Variants in CNTNAP2 observed in about 807,000 individuals in gnomAD.
CNTNAP2 encodes the protein contactin-associated protein-like 2.
In CNTNAP2, 98 loss-of-function variants were observed where a neutral mutation model predicts 155.2. The ratio of observed to expected loss-of-function variants is 0.63; its 90% CI spans 0.54 to 0.75. The LOEUF is 0.75. Among genes scored for constraint, CNTNAP2 ranks in the 30% least tolerant of loss-of-function variants. The pLI is 0.00. For synonymous variants in CNTNAP2, 651 were observed against 631.2 expected (o/e 1.03, Z -0.47); for missense variants, 1,727 against 1,688.1 (o/e 1.02, Z -0.40).
chr7:146,818,889 T>A (rs1585105447), intron 2 of CNTNAP2, among the ~76,000 whole-genome samples: 1 of 152,150 alleles, frequency 6.6e-6, no homozygotes, highest in Admixed American at 6.5e-5. Context: ...TTAACATCAC[T>A]ACTTAACATT....
intron 1 of CNTNAP2, among the ~76,000 whole-genome samples, chr7:146,371,055 GA>G (rs1470689415): frequency 1.3e-5 from 2 of 151,930 alleles, no homozygotes; most frequent in East Asian, 3.9e-4. Flanking sequence ...AATTATTCTA[GA>G]AGATGTAATA....
At chr7:146,361,355 A>G (rs2129100878) in intron 1 of CNTNAP2, among the ~76,000 whole-genome samples, 1 of 152,240 alleles carries the variant, frequency 6.6e-6, no homozygotes, top group Non-Finnish European at 1.5e-5. Flanking sequence ...ATTTGGTCAT[A>G]CCTGGGGGTT....
intron 1 of CNTNAP2, among the ~76,000 whole-genome samples, chr7:146,393,370 C>A (rs1795572568): frequency 6.6e-6 from 1 of 152,140 alleles, no homozygotes; most frequent in South Asian, 2.1e-4. Context: ...ATCCACCTGG[C>A]AGTGACATTT....
At chr7:147,590,885 G>A (rs1435342430) in intron 12 of CNTNAP2, among the ~76,000 whole-genome samples, 1 of 152,162 alleles carries the variant, frequency 6.6e-6, no homozygotes, top group Admixed American at 6.5e-5. Flanking sequence ...AGTATCTGAG[G>A]AGAAACTACT....
At chr7:146,329,808 A>G (rs73463999) in intron 1 of CNTNAP2, among the ~76,000 whole-genome samples, 6,577 of 152,128 alleles carry the variant, frequency 0.043, 466 homozygotes, top group African/African-American at 0.15. Context: ...TCTATGTACA[A>G]CTGTGGTACT....
chr7:146,894,192 G>A (rs372502906), intron 3 of CNTNAP2, among the ~76,000 whole-genome samples: 64 of 152,240 alleles, frequency 4.2e-4, no homozygotes, highest in African/African-American at 1.1e-3. Context: ...TGGAAAGGGC[G>A]TAAAGGAAAC....
At chr7:148,386,410 C>G (rs1025704172) in intron 22 of CNTNAP2, among the ~76,000 whole-genome samples, 1 of 152,278 alleles carries the variant, frequency 6.6e-6, no homozygotes, top group East Asian at 1.9e-4. Context: ...CGCCTGTAAT[C>G]CCAGCTCCTC....
intron 1 of CNTNAP2, among the ~76,000 whole-genome samples, chr7:146,283,682 A>C (rs1255123119): frequency 6.6e-6 from 1 of 152,224 alleles, no homozygotes; most frequent in Admixed American, 6.5e-5. Flanking sequence ...TATTTTTAAA[A>C]TTTTTATCTA....
chr7:147,000,396 A>G (rs1798398027), intron 3 of CNTNAP2, among the ~76,000 whole-genome samples: 1 of 152,002 alleles, frequency 6.6e-6, no homozygotes, highest in South Asian at 2.1e-4. Flanking sequence ...AGTTGTTGCC[A>G]ATTACTTTTG....
chr7:147,296,430 A>G (rs1805445973), intron 8 of CNTNAP2, among the ~76,000 whole-genome samples: 1 of 152,240 alleles, frequency 6.6e-6, no homozygotes, highest in African/African-American at 2.4e-5. Flanking sequence ...TAACTTCAAG[A>G]ATAAGCCTTT....
At chr7:147,892,815 T>A (rs1012136872) in intron 13 of CNTNAP2, among the ~76,000 whole-genome samples, 3 of 152,208 alleles carry the variant, frequency 2.0e-5, no homozygotes, top group African/African-American at 7.2e-5. Context: ...CATTTCTAAA[T>A]TTGGTCCCTA....
At chr7:147,986,614 G>A (rs961521911) in intron 15 of CNTNAP2, among the ~76,000 whole-genome samples, 5 of 152,216 alleles carry the variant, frequency 3.3e-5, no homozygotes, top group Non-Finnish European at 5.9e-5. Flanking sequence ...AGAGCACATC[G>A]AGAAACAGTT....
At chr7:146,646,071 A>G in intron 1 of CNTNAP2, among the ~76,000 whole-genome samples, 1 of 152,186 alleles carries the variant, frequency 6.6e-6, no homozygotes, top group East Asian at 1.9e-4. Context: ...ATTCACATTA[A>G]TGATTTATAG....
intron 1 of CNTNAP2, among the ~76,000 whole-genome samples, chr7:146,574,980 C>T (rs1230229617): frequency 1.3e-5 from 2 of 152,070 alleles, no homozygotes; most frequent in South Asian, 2.1e-4. Context: ...CCTTTTTCCC[C>T]CTCTTGTTTC....
intron 4 of CNTNAP2, among the ~76,000 whole-genome samples, chr7:147,091,199 T>G (rs572645594): frequency 6.6e-6 from 1 of 152,212 alleles, no homozygotes; most frequent in Non-Finnish European, 1.5e-5. Context: ...GTGAATCGGT[T>G]TCCTCATGGG....
At chr7:146,450,848 T>C (rs1796468374) in intron 1 of CNTNAP2, among the ~76,000 whole-genome samples, 1 of 152,234 alleles carries the variant, frequency 6.6e-6, no homozygotes, top group Non-Finnish European at 1.5e-5. Flanking sequence ...CAATTTTCGG[T>C]CTTTTAAAAT....
At chr7:147,612,208 C>T (rs926646343) in intron 12 of CNTNAP2, among the ~76,000 whole-genome samples, 2 of 152,004 alleles carry the variant, frequency 1.3e-5, no homozygotes, top group Admixed American at 1.3e-4. Context: ...GTAAGTTATT[C>T]AGGAAAGTAC....
At chr7:147,108,406 A>T (rs1010178963) in intron 5 of CNTNAP2, 56 bp downstream of exon 5, 2 of 1,404,816 alleles carry the variant, frequency 1.4e-6, no homozygotes, top group African/African-American at 1.4e-5. Context: ...CATTAGGAAT[A>T]TGTTCATGTT....
intron 1 of CNTNAP2, among the ~76,000 whole-genome samples, chr7:146,566,709 A>T (rs913753996): frequency 6.6e-5 from 10 of 151,622 alleles, no homozygotes; most frequent in South Asian, 2.1e-4. Flanking sequence ...AAATAAAAAT[A>T]AAAATAAAAA....
Sources: gnomAD v4.1 joint callset for allele counts (sites outside exome capture counted in the v4.1 genomes callset) on GRCh38, gnomAD v4.1.1 for gene constraint, MANE v1.5 for transcripts, NCBI Gene and HGNC (gene_info 2026-07-23, HGNC 2026-07-21) for gene names.